CNKSR3: variants seen among roughly 807,000 people sequenced by gnomAD.
CNKSR3 encodes the protein CNKSR family member 3.
Under a neutral mutation model 67.7 loss-of-function variants are expected in CNKSR3, and 36 were observed. That is an observed-to-expected ratio of 0.53 (90% CI 0.41 to 0.70). The LOEUF is 0.70. Among genes scored for constraint, CNKSR3 ranks in the 30% least tolerant of loss-of-function variants. CNKSR3 has a pLI of 0.00. For synonymous variants in CNKSR3, 281 were observed against 271.4 expected, an observed-to-expected ratio of 1.04 and a Z score of -0.35; for missense variants, 630 against 695.2, an observed-to-expected ratio of 0.91 and a Z score of 1.05.
chr6:154,454,582 C>T (rs970661654), intron 1 of CNKSR3, among the ~76,000 whole-genome samples: 2 of 152,156 alleles, frequency 1.3e-5, no homozygotes, highest in Admixed American at 6.5e-5. Flanking sequence ...AGCATAGCAG[C>T]ACGATCATAG....
chr6:154,483,748 T>C (rs1480969512), intron 1 of CNKSR3, among the ~76,000 whole-genome samples: 1 of 152,198 alleles, frequency 6.6e-6, no homozygotes, highest in East Asian at 1.9e-4. Context: ...TGTGCTCCTC[T>C]GAACAGTTCC....
intron 4 of CNKSR3, among the ~76,000 whole-genome samples, chr6:154,437,662 C>T (rs975272299): frequency 2.6e-5 from 4 of 152,078 alleles, no homozygotes; most frequent in African/African-American, 4.8e-5. Flanking sequence ...GTGATCTACC[C>T]GCCCTGGCCT....
chr6:154,441,183 T>A, intron 4 of CNKSR3, 109 bp downstream of exon 4: 13 of 648,134 alleles, frequency 2.0e-5, no homozygotes, highest in Non-Finnish European at 2.8e-5. Context: ...AAAACTGAGG[T>A]GGGGAGAGGA....
chr6:154,477,278 G>GA (rs1207975026), intron 1 of CNKSR3, among the ~76,000 whole-genome samples: 54 of 146,744 alleles, frequency 3.7e-4, no homozygotes, highest in Admixed American at 4.8e-4. Flanking sequence ...TTTGCAGAGT[G>GA]AAAAAAAAAA....
chr6:154,420,464 C>T (rs1291884934), intron 9 of CNKSR3, among the ~76,000 whole-genome samples: 3 of 151,594 alleles, frequency 2.0e-5, no homozygotes, highest in Admixed American at 1.3e-4. Context: ...CCGAGGCGGG[C>T]GGATCACGAG....
At chr6:154,441,164 G>A (rs938234704) in intron 4 of CNKSR3, 128 bp downstream of exon 4, 1 of 610,700 alleles carries the variant, frequency 1.6e-6, no homozygotes, top group Admixed American at 3.1e-5. Flanking sequence ...TCCCAGCTCT[G>A]ATGGAAAAAA....
chr6:154,415,097 CAAAAAAA>C (rs1157415390), intron 9 of CNKSR3, among the ~76,000 whole-genome samples: 17 of 33,234 alleles, frequency 5.1e-4, no homozygotes, highest in Admixed American at 2.5e-3. Flanking sequence ...GACTCTGTCT[CAAAAAAA>C]AAAAAAAAAA....
intron 4 of CNKSR3, among the ~76,000 whole-genome samples, chr6:154,437,867 C>A (rs1432776144): frequency 6.6e-6 from 1 of 152,166 alleles, no homozygotes; most frequent in Non-Finnish European, 1.5e-5. Context: ...CAAAAAAATA[C>A]CAGAGAATAA....
chr6:154,390,720 A>G lies in CNKSR3; in HGVS notation c.*15634T>C, dbSNP rs991656333. 2 of 152,100 alleles carry G rather than the reference A, an allele frequency of 1.3e-5. No individual in the cohort carries two copies. The highest frequency in any genetic ancestry group is 2.9e-5 in the Non-Finnish European group (2 of 68,090). The allele number at this position is 152,100 out of a possible 1,614,324, so 9.4% of individuals were successfully genotyped here. A position where few individuals can be genotyped will look rare whatever the true frequency, so the allele number is the denominator to read the frequency against. ...AAATACCACAGACTGGGTAGCTTAAACAACAGAAATGTGTCTTCTCACAGC... is the reference window on the plus strand; with the variant it reads ...AAATACCACAGACTGGGTAGCTTAAGCAACAGAAATGTGTCTTCTCACAGC... On this transcript the variant is annotated 3_prime_UTR_variant, in exon 13 of 13. Coordinates refer to ENST00000607772, the MANE Select transcript of CNKSR3 (RefSeq NM_173515.4).
rs1455012731 is a variant in CNKSR3 at position 154,442,156 on chromosome 6, G to A, written c.351C>T (p.Pro117=). ...AYDGNTSRKA[P]NEFLTSVVEL... is the part of the protein sequence containing the mutation. ...CCACCACCGAGGTCAGGAACTCATT[G>A]GGGGCCTTGCGGGAGGTGTTGCCAT... Residue 117 remains proline (P), a synonymous_variant, in exon 3 of 13, where the codon CCC becomes CCT. Transcript: ENST00000607772. 3.1e-6 allele frequency: 5 copies of A among 1,614,198 alleles called. No individual in the cohort carries two copies. The highest frequency in any genetic ancestry group is 4.2e-6 in the Non-Finnish European group (5 of 1,180,018).
intron 1 of CNKSR3, among the ~76,000 whole-genome samples, chr6:154,465,510 G>A (rs9478548): frequency 0.34 from 51,878 of 151,814 alleles, 9,324 homozygotes; most frequent in East Asian, 0.44. Flanking sequence ...CTGGAGCTGA[G>A]GAACTGAGGC....
intron 12 of CNKSR3, among the ~76,000 whole-genome samples, chr6:154,407,466 A>G (rs1402485698): frequency 2.0e-5 from 3 of 152,158 alleles, no homozygotes; most frequent in Admixed American, 1.3e-4. Flanking sequence ...GCAAAGATCT[A>G]TGGACTCACG....
intron 1 of CNKSR3, among the ~76,000 whole-genome samples, chr6:154,470,610 C>A (rs1786308365): frequency 6.6e-6 from 1 of 152,192 alleles, no homozygotes; most frequent in Non-Finnish European, 1.5e-5. Context: ...GCAGCCTGCA[C>A]CAGTACTTCA....
chr6:154,415,119 A>C (rs1053403722), intron 9 of CNKSR3, among the ~76,000 whole-genome samples: 7 of 149,846 alleles, frequency 4.7e-5, no homozygotes, highest in Non-Finnish European at 1.0e-4. Flanking sequence ...AAAAAAAAAA[A>C]AAACAAGAAA....
In CNKSR3 at chr6:154,388,434, T is replaced by A. The variant is rs1209905293; in HGVS notation, c.*17920A>T. 6.6e-6 allele frequency: 1 copy of A among 152,236 alleles called. No homozygotes were observed. The highest frequency in any genetic ancestry group is 6.5e-5 in the Admixed American group (1 of 15,274). 9.4% of individuals were successfully genotyped at this position (152,236 alleles called of 1,614,324 possible). A position where few individuals can be genotyped will look rare whatever the true frequency, so the allele number is the denominator to read the frequency against. On this transcript the variant is annotated 3_prime_UTR_variant, in exon 13 of 13. Transcript: ENST00000607772. ...TCCGCCGATGGACGCTTAGATTGTT[T>A]GTGTATCTTGGATATTGTGAATAAT...
chr6:154,392,247 C>G lies in CNKSR3; in HGVS notation c.*14107G>C, dbSNP rs1784616289. 1 of 151,804 alleles carries G rather than the reference C, an allele frequency of 6.6e-6. No individual in the cohort carries two copies. Among genetic ancestry groups the G allele is most frequent in the Non-Finnish European group, 1.5e-5 (1 of 67,976 alleles). 9.4% of individuals were successfully genotyped at this position (151,804 alleles called of 1,614,324 possible). A position where few individuals can be genotyped will look rare whatever the true frequency, so the allele number is the denominator to read the frequency against. ...AGAGTGTACCATTATATGTTGTCTT[C>G]TGATGCTTTTTCCCACTCAGCACTA... On this transcript the variant is annotated 3_prime_UTR_variant, in exon 13 of 13. Transcript: ENST00000607772.
intron 12 of CNKSR3, 102 bp downstream of exon 12, chr6:154,410,241 C>G (rs1297402400): frequency 1.4e-6 from 1 of 725,770 alleles, no homozygotes. Flanking sequence ...GCCAAGTACT[C>G]AGTCTACTTA....
chr6:154,410,481 T>C, intron 11 of CNKSR3, 49 bp from the exon 12 acceptor site: 2 of 1,279,614 alleles, frequency 1.6e-6, no homozygotes, highest in Non-Finnish European at 2.3e-6. Flanking sequence ...GTTCTGGAAC[T>C]TTAGTGAACC....
intron 1 of CNKSR3, among the ~76,000 whole-genome samples, chr6:154,460,738 A>G (rs883652): frequency 0.022 from 3,375 of 152,318 alleles, 72 homozygotes; most frequent in African/African-American, 0.047. Flanking sequence ...CTAAAAACCA[A>G]ACACCGGCAA....
Sources: allele counts gnomAD v4.1 joint callset (sites outside exome capture counted in the v4.1 genomes callset), GRCh38; gene constraint gnomAD v4.1.1; transcripts MANE v1.5; gene names NCBI Gene and HGNC (gene_info 2026-07-23, HGNC 2026-07-21).